Variants in CBLC observed in about 807,000 individuals in gnomAD.
CBLC encodes the protein E3 ubiquitin-protein ligase CBL-C.
In CBLC, 46 loss-of-function variants were observed where a neutral mutation model predicts 58.6. The observed-to-expected ratio is 0.79, with a 90% CI of 0.62 to 1.00. CBLC has a LOEUF of 1.00. Ranked by LOEUF, CBLC falls within the 50% of genes least tolerant of loss-of-function variation. CBLC has a pLI of 0.00. For missense variants in CBLC, 655 were observed against 625.8 expected, an observed-to-expected ratio of 1.05 and a Z score of -0.50; for synonymous variants, 271 against 264.2, an observed-to-expected ratio of 1.03 and a Z score of -0.25.
At chr19:44,796,847 C>T (rs1158970225) in intron 9 of CBLC, among the ~76,000 whole-genome samples, 1 of 151,818 alleles carries the variant, frequency 6.6e-6, no homozygotes, top group East Asian at 1.9e-4. Flanking sequence ...AAACAAACAG[C>T]TCAGGAAGTC....
rs902349836 is a variant in CBLC, at chr19:44,785,087, T to A, written c.917+686T>A. ...CCCAGATTCAAGCGATTCTCCTGCC[T>A]CAGCCGCCTGAGTAGGTGGGATTAC... On this transcript the variant is annotated intron_variant, in intron 5 of 10. Transcript: ENST00000647358. 5.4e-5 allele frequency among the ~76,000 whole-genome samples: 8 copies of A among 147,570 alleles called. No individual in the cohort carries two copies. The South Asian group carries it at 8.9e-4, about 16-fold the overall frequency.
intron 6 of CBLC, among the ~76,000 whole-genome samples, chr19:44,790,715 C>G (rs1223244514): frequency 6.6e-6 from 1 of 152,168 alleles, no homozygotes; most frequent in African/African-American, 2.4e-5. Context: ...GGATTATAGC[C>G]ATGAGCCACT....
chr19:44,781,071 C>T lies in CBLC; in HGVS notation c.500+20C>T. 1 of 1,605,846 alleles carries T rather than the reference C, an allele frequency of 6.2e-7. No individual in the cohort carries two copies. Among genetic ancestry groups the T allele is most frequent in the Non-Finnish European group, 8.5e-7 (1 of 1,176,240 alleles). ...AGCCCGGTGAGTAAGCCCTTGTCCTCAGCTCCCGGAGCCCCATCCTGCCCT... is the reference window on the plus strand; with the variant it reads ...AGCCCGGTGAGTAAGCCCTTGTCCTTAGCTCCCGGAGCCCCATCCTGCCCT... On this transcript the variant is annotated intron_variant, in intron 2 of 10. Transcript: ENST00000647358.
Position 44,784,962 on chromosome 19 carries a change from T to G in CBLC, c.917+561T>G, listed in dbSNP as rs1013397776. ...TTGCTAGACAGGTGTTTTTTTTTTT[T>G]TTTTTTTTTTTTTTTTTTTTTTTTT... is the stretch of plus-strand genomic sequence containing the variant. On this transcript the variant is annotated intron_variant, in intron 5 of 10. Transcript: ENST00000647358. Among the ~76,000 whole-genome samples the G allele has an allele frequency of 1.4e-3, 145 of 105,958 alleles. 1 individual carries two copies. Among genetic ancestry groups the G allele is most frequent in the African/African-American group, 5.1e-3 (129 of 25,242 alleles). 69.5% of individuals were successfully genotyped at this position (105,958 alleles called of 152,430 possible). A position where few individuals can be genotyped will look rare whatever the true frequency, so the allele number is the denominator to read the frequency against.
chr19:44,792,518 G>A lies in CBLC; in HGVS notation c.1137+4G>A. ...CTGCTGCCTGGCTGCCTGGCAGGTG[G>A]GTCTGACCCCTGTGGCGCCTTCCCC... On this transcript the variant is annotated splice_donor_region_variant and intron_variant, in intron 7 of 10. Coordinates refer to ENST00000647358, the MANE Select transcript of CBLC (RefSeq NM_012116.4). The A allele has an allele frequency of 6.3e-7, 1 of 1,587,296 alleles. No individual in the cohort carries two copies. Among genetic ancestry groups the A allele is most frequent in the South Asian group, 1.1e-5 (1 of 88,584 alleles).
At chr19:44,793,734 G>A in intron 8 of CBLC, 114 bp downstream of exon 8, 2 of 1,021,734 alleles carry the variant, frequency 2.0e-6, no homozygotes, top group East Asian at 5.3e-5. Flanking sequence ...TGGACTCCTG[G>A]GTCTGAGGGA....
At chr19:44,789,582 G>A (rs975177044) in intron 5 of CBLC, among the ~76,000 whole-genome samples, 4 of 152,022 alleles carry the variant, frequency 2.6e-5, no homozygotes, top group Non-Finnish European at 4.4e-5. Context: ...GTAGAGACGG[G>A]GTTCCACCAT....
chr19:44,793,117 A>T (rs1422563956), intron 7 of CBLC, among the ~76,000 whole-genome samples: 4 of 152,052 alleles, frequency 2.6e-5, no homozygotes, highest in Non-Finnish European at 1.5e-5. Flanking sequence ...GTGCCGCTGC[A>T]CTCCAGCTTG....
chr19:44,783,234 C>T (rs2122416380), intron 4 of CBLC, among the ~76,000 whole-genome samples: 1 of 151,844 alleles, frequency 6.6e-6, no homozygotes, highest in African/African-American at 2.4e-5. Context: ...AGGCCTGGCG[C>T]AGTGGCTCAC....
intron 4 of CBLC, among the ~76,000 whole-genome samples, chr19:44,783,558 A>ACC (rs542628821): frequency 6.6e-6 from 1 of 151,046 alleles, no homozygotes; most frequent in African/African-American, 2.4e-5. Context: ...ATGCGTGCCT[A>ACC]TAGTCCCAGC....
At chr19:44,796,332 G>A (rs902711126) in intron 9 of CBLC, among the ~76,000 whole-genome samples, 2 of 152,138 alleles carry the variant, frequency 1.3e-5, no homozygotes, top group Non-Finnish European at 2.9e-5. Context: ...AGTCAGCGTT[G>A]GAGTCTTTAA....
Position 44,784,388 on chromosome 19 carries a change from C to T in CBLC, c.904C>T (p.Gln302Ter), listed in dbSNP as rs1439241795. ...CCTGTCCCAGGTGCTCCTGGAGGGA[C>T]AGAAGGACGGCTTGTGAGTCTCCAT... Reference protein sequence around the residue: ...KPLSQVLLEGQKDGFYLYPDG... With the variant: ...KPLSQVLLEG Residue 302 changes from glutamine (Q) to a stop codon, truncating the protein, a stop_gained, in exon 5 of 11, where the codon CAG (glutamine) becomes TAG (stop). Coordinates refer to ENST00000647358, the MANE Select transcript of CBLC (RefSeq NM_012116.4). LOFTEE classifies it high-confidence loss of function. 2 of 1,584,394 alleles carry T rather than the reference C, an allele frequency of 1.3e-6. No individual in the cohort carries two copies. Among genetic ancestry groups the T allele is most frequent in the Non-Finnish European group, 1.7e-6 (2 of 1,156,672 alleles).
At chr19:44,785,568 ATAGATAGG>A (rs1967881531) in intron 5 of CBLC, among the ~76,000 whole-genome samples, 1 of 143,052 alleles carries the variant, frequency 7.0e-6, no homozygotes, top group Admixed American at 6.9e-5. Flanking sequence ...AGATAGATAG[ATAGATAGG>A]CAGATAGGTA....
At chr19:44,782,849 C>T (rs1180258267) in intron 4 of CBLC, among the ~76,000 whole-genome samples, 1 of 152,128 alleles carries the variant, frequency 6.6e-6, no homozygotes, top group African/African-American at 2.4e-5. Flanking sequence ...GACTGAAAAA[C>T]AAGACATGAG....
intron 4 of CBLC, 64 bp from the exon 5 acceptor site, chr19:44,784,200 G>T: frequency 4.1e-6 from 6 of 1,452,546 alleles, no homozygotes; most frequent in African/African-American, 1.4e-5. Flanking sequence ...CAGGGGACTG[G>T]AAGTTCACAA....
At chr19:44,799,138 T>G (rs1413302717) in intron 9 of CBLC, among the ~76,000 whole-genome samples, 1 of 152,144 alleles carries the variant, frequency 6.6e-6, no homozygotes, top group East Asian at 1.9e-4. Context: ...AGGACAAAGA[T>G]AGTTTTCTGT....
intron 8 of CBLC, among the ~76,000 whole-genome samples, 163 bp downstream of exon 8, chr19:44,793,783 G>A (rs569345016): frequency 1.6e-4 from 24 of 151,278 alleles, no homozygotes; most frequent in South Asian, 6.3e-4. Context: ...TAAGGGAGGA[G>A]GGCTGGGGGT....
Position 44,781,264 on chromosome 19 carries a change from A to G in CBLC, c.558A>G (p.Glu186=). ...ESLLGTCHPV[E]PGCTALALRT... is the part of the protein sequence containing the mutation. ...TCCTGGGCACCTGCCACCCTGTGGA[A>G]CCAGGCTGCACAGCCCTGGCCTTGC... The change falls in exon 3 of 11, where the codon GAA becomes GAG. Residue 186 remains glutamate, a synonymous_variant. Coordinates refer to ENST00000647358, the MANE Select transcript of CBLC (RefSeq NM_012116.4). The G allele has an allele frequency of 6.2e-7, 1 of 1,613,766 alleles. No homozygotes were observed. Among genetic ancestry groups the G allele is most frequent in the South Asian group, 1.1e-5 (1 of 91,090 alleles).
At chr19:44,792,168 A>T (rs553470139) in intron 6 of CBLC, among the ~76,000 whole-genome samples, 63 of 151,074 alleles carry the variant, frequency 4.2e-4, no homozygotes, top group African/African-American at 1.5e-3. Context: ...TAATTTTTGT[A>T]TTTTTAGTAG....
Sources: allele counts gnomAD v4.1 joint callset (sites outside exome capture counted in the v4.1 genomes callset), GRCh38; gene constraint gnomAD v4.1.1; transcripts MANE v1.5; gene names NCBI Gene and HGNC (gene_info 2026-07-23, HGNC 2026-07-21).